The following CDK2AP1 variants were observed in gnomAD, a reference collection of about 807,000 sequenced individuals.
The protein encoded by CDK2AP1 is cyclin-dependent kinase 2-associated protein 1.
CDK2AP1 carries 10 observed loss-of-function variants against 14.1 expected under a neutral mutation model. The ratio of observed to expected loss-of-function variants is 0.71; its 90% confidence interval spans 0.44 to 1.20. The LOEUF is 1.20. Ranked by LOEUF, CDK2AP1 falls within the 50% of genes most tolerant of loss-of-function variation. The pLI, the probability that CDK2AP1 is intolerant of heterozygous loss-of-function variation, is 0.00. For synonymous variants in CDK2AP1, 59 were observed against 59.8 expected, an observed-to-expected ratio of 0.99 and a Z score of 0.06; for missense variants, 102 against 149.9, an observed-to-expected ratio of 0.68 and a Z score of 1.67.
chr12:123,268,623 G>A (rs1267505247), intron 1 of CDK2AP1, among the ~76,000 whole-genome samples: 4 of 152,236 alleles, frequency 2.6e-5, no homozygotes, highest in African/African-American at 9.6e-5. Flanking sequence ...CTTGGATCCT[G>A]AACTGGGCAG....
At chr12:123,266,918 G>C (rs1271038381) in intron 2 of CDK2AP1, among the ~76,000 whole-genome samples, 1 of 152,226 alleles carries the variant, frequency 6.6e-6, no homozygotes, top group Non-Finnish European at 1.5e-5. Context: ...AGGAACGCGT[G>C]GGGTGGGAGC....
chr12:123,268,694 T>C (rs945761402), intron 1 of CDK2AP1, among the ~76,000 whole-genome samples: 1 of 152,132 alleles, frequency 6.6e-6, no homozygotes, highest in Non-Finnish European at 1.5e-5. Context: ...ATGAGACACA[T>C]GCGGATGATG....
chr12:123,271,014 G>T, intron 1 of CDK2AP1: 2 of 971,044 alleles, frequency 2.1e-6, no homozygotes, highest in South Asian at 9.4e-5. Flanking sequence ...GCGGCCCCGC[G>T]ACCTCAGGGC....
chr12:123,267,503 C>T (rs2138819485), intron 1 of CDK2AP1: 1 of 492,448 alleles, frequency 2.0e-6, no homozygotes, highest in South Asian at 2.0e-5. Flanking sequence ...GCCGCTGGTC[C>T]TCACAGAGCT....
rs769393799 is a variant in CDK2AP1, at chr12:123,263,201, ACT to A, written c.281-1400_281-1399del. Among the ~76,000 whole-genome samples, 35 of 136,586 alleles carry A rather than the reference ACT, an allele frequency of 2.6e-4. 1 individual carries two copies. Among genetic ancestry groups the A allele is most frequent in the Non-Finnish European group, 4.6e-5 (3 of 65,044 alleles). The allele number at this position is 136,586 out of a possible 152,430, so 89.6% of individuals were successfully genotyped here. A position where few individuals can be genotyped will look rare whatever the true frequency, so the allele number is the denominator to read the frequency against. ...ACTCCAGCCTGGGTGATAGAGCGAG[ACT>A]CTGTCTCAAAAAAAAAAAAAAAACA... On this transcript the variant is annotated intron_variant, in intron 3 of 3. Coordinates refer to ENST00000261692, the MANE Select transcript of CDK2AP1 (RefSeq NM_004642.4).
At chr12:123,264,623 T>G (rs1344831322) in intron 3 of CDK2AP1, among the ~76,000 whole-genome samples, 1 of 152,030 alleles carries the variant, frequency 6.6e-6, no homozygotes, top group African/African-American at 2.4e-5. Flanking sequence ...CTATTTAACG[T>G]CCTTTCGAAA....
At position 123,270,952 on chromosome 12, in the gene CDK2AP1, C is replaced by A. The variant is rs567587901; in HGVS notation, c.55+612G>T. On this transcript the variant is annotated intron_variant, in intron 1 of 3. Coordinates refer to ENST00000261692, the MANE Select transcript of CDK2AP1 (RefSeq NM_004642.4). ...CTCCCACGCTCCCGGCCGAGGCCCC[C>A]GGGCCTCCGAGTACGCTGCCCGCCG... The A allele has an allele frequency of 9.1e-6, 9 of 984,760 alleles. No individual in the cohort carries two copies. The South Asian group carries it at 3.7e-4, about 41-fold the overall frequency. 61.0% of individuals were successfully genotyped at this position (984,760 alleles called of 1,614,324 possible).
chr12:123,268,098 G>T, intron 1 of CDK2AP1: 1 of 781,686 alleles, frequency 1.3e-6, no homozygotes, highest in Non-Finnish European at 1.6e-6. Flanking sequence ...CCGCAATGGC[G>T]TCCCAGTGGC....
In CDK2AP1 at chr12:123,261,716, C is replaced by T. The variant is rs776924830; in HGVS notation, c.*20G>A. ...CTCATCTTGTAAAAAGATGGAAATCCTTCAAAACCAACAAGGCAGCTAGGA... is the reference window on the plus strand; with the variant it reads ...CTCATCTTGTAAAAAGATGGAAATCTTTCAAAACCAACAAGGCAGCTAGGA... On this transcript the variant is annotated 3_prime_UTR_variant, in exon 4 of 4. Coordinates refer to ENST00000261692, the MANE Select transcript of CDK2AP1 (RefSeq NM_004642.4). The T allele has an allele frequency of 3.7e-6, 6 of 1,603,894 alleles. No individual in the cohort carries two copies. The highest frequency in any genetic ancestry group is 5.1e-6 in the Non-Finnish European group (6 of 1,170,774).
At chr12:123,262,029 C>T (rs1460073747) in intron 3 of CDK2AP1, 1 of 439,446 alleles carries the variant, frequency 2.3e-6, no homozygotes, top group Admixed American at 3.9e-5. Flanking sequence ...TCTCTCTAAA[C>T]ATTTTTTCCT....
In CDK2AP1 at chr12:123,271,840, G is replaced by A. The variant is rs1466850150; in HGVS notation, c.-222C>T. On this transcript the variant is annotated 5_prime_UTR_variant, in exon 1 of 4. Coordinates refer to ENST00000261692, the MANE Select transcript of CDK2AP1 (RefSeq NM_004642.4). ...CACCCAGGCCCCGGGTGCGGCGCAG[G>A]GGCGGCCGCAAACTTTCCGCGGAGC... The A allele has an allele frequency of 6.8e-6, 1 of 146,538 alleles. No homozygotes were observed. Among genetic ancestry groups the A allele is most frequent in the Non-Finnish European group, 1.5e-5 (1 of 65,952 alleles). The allele number at this position is 146,538 out of a possible 1,614,324, so 9.1% of individuals were successfully genotyped here.
chr12:123,269,096 GCTC>G (rs2048329657), intron 1 of CDK2AP1: 1 of 152,568 alleles, frequency 6.6e-6, no homozygotes. Flanking sequence ...TCTGCCCACT[GCTC>G]CTCACCTCCC....
intron 2 of CDK2AP1, among the ~76,000 whole-genome samples, chr12:123,266,271 T>G (rs1314911939): frequency 6.6e-6 from 1 of 152,226 alleles, no homozygotes; most frequent in Non-Finnish European, 1.5e-5. Flanking sequence ...CTCCCGCCTG[T>G]CCTGGCGCCG....
At chr12:123,269,057 G>A (rs756423579) in intron 1 of CDK2AP1, 1 of 152,388 alleles carries the variant, frequency 6.6e-6, no homozygotes, top group Non-Finnish European at 1.5e-5. Context: ...GCATTCCCTC[G>A]GTGTGCCCCC....
At chr12:123,269,425 G>A (rs981862890) in intron 1 of CDK2AP1, among the ~76,000 whole-genome samples, 2 of 152,176 alleles carry the variant, frequency 1.3e-5, no homozygotes, top group Non-Finnish European at 2.9e-5. Context: ...TAGTCCTGGA[G>A]AGAGATGGCG....
intron 3 of CDK2AP1, among the ~76,000 whole-genome samples, chr12:123,263,980 C>T (rs547499643): frequency 2.0e-5 from 3 of 152,198 alleles, no homozygotes; most frequent in East Asian, 3.9e-4. Context: ...TAGTGGCGCA[C>T]GCCTGTAGTC....
chr12:123,264,622 G>C (rs976894493), intron 3 of CDK2AP1, among the ~76,000 whole-genome samples: 1 of 151,896 alleles, frequency 6.6e-6, no homozygotes, highest in Admixed American at 6.6e-5. Context: ...CCTATTTAAC[G>C]TCCTTTCGAA....
intron 1 of CDK2AP1, among the ~76,000 whole-genome samples, chr12:123,270,517 G>A (rs998699294): frequency 2.6e-5 from 4 of 151,314 alleles, no homozygotes; most frequent in African/African-American, 7.3e-5. Context: ...ATCCCGCCCC[G>A]CAACACAACC....
intron 1 of CDK2AP1, among the ~76,000 whole-genome samples, chr12:123,271,333 C>T (rs1422038207): frequency 2.0e-5 from 3 of 147,280 alleles, no homozygotes; most frequent in Admixed American, 6.7e-5. Flanking sequence ...GGGGTCACCC[C>T]GGGCCGCCCG....
Sources: allele counts gnomAD v4.1 joint callset (sites outside exome capture counted in the v4.1 genomes callset), GRCh38; gene constraint gnomAD v4.1.1; transcripts MANE v1.5; gene names NCBI Gene and HGNC (gene_info 2026-07-23, HGNC 2026-07-21).